CLNK: variants seen among roughly 807,000 people sequenced by gnomAD.
CLNK encodes the protein cytokine dependent hematopoietic cell linker, also known as cytokine-dependent hematopoietic cell linker.
In CLNK, 74 loss-of-function variants were observed where a neutral mutation model predicts 68.6. The observed-to-expected ratio is 1.08, with a 90% CI of 0.89 to 1.31. The LOEUF (loss-of-function observed/expected upper bound fraction) is 1.31. Ranked by LOEUF, CLNK falls within the 50% of genes most tolerant of loss-of-function variation. CLNK has a pLI of 0.00. For synonymous variants in CLNK, 198 were observed against 172.2 expected, an observed-to-expected ratio of 1.15 and a Z score of -1.17; for missense variants, 553 against 515.3, an observed-to-expected ratio of 1.07 and a Z score of -0.71.
rs1031841432 is a variant in CLNK at position 10,667,973 on chromosome 4, C to A, written c.-42-62G>T. 2.9e-4 allele frequency: 267 copies of A among 913,808 alleles called. No individual in the cohort carries two copies. Among genetic ancestry groups the A allele is most frequent in the East Asian group, 1.1e-3 (38 of 35,970 alleles). 56.6% of individuals were successfully genotyped at this position (913,808 alleles called of 1,614,324 possible). A position where few individuals can be genotyped will look rare whatever the true frequency, so the allele number is the denominator to read the frequency against. On this transcript the variant is annotated intron_variant, in intron 1 of 18. Transcript: ENST00000226951. Reference sequence around the variant, plus strand: ...CACATCATGTTTTAATTCTGGGGAACAAGCCACTGTTGCTGCTTGTTAAAA... The same window carrying A: ...CACATCATGTTTTAATTCTGGGGAAAAAGCCACTGTTGCTGCTTGTTAAAA...
intron 4 of CLNK, among the ~76,000 whole-genome samples, chr4:10,575,368 C>A (rs772439570): frequency 6.6e-6 from 1 of 152,252 alleles, no homozygotes; most frequent in Non-Finnish European, 1.5e-5. Flanking sequence ...TTTCTTGGCT[C>A]TGCCCATGCC....
At chr4:10,637,717 C>G (rs967937176) in intron 2 of CLNK, among the ~76,000 whole-genome samples, 8 of 151,042 alleles carry the variant, frequency 5.3e-5, no homozygotes, top group African/African-American at 1.9e-4. Context: ...GCCTCAGCCT[C>G]CCGAGTAGCT....
At chr4:10,649,939 C>A (rs563967453) in intron 2 of CLNK, among the ~76,000 whole-genome samples, 96 of 152,038 alleles carry the variant, frequency 6.3e-4, no homozygotes, top group Admixed American at 9.8e-4. Context: ...AAATGACAGA[C>A]AACAGGATTA....
chr4:10,563,421 C>T (rs7439618), intron 7 of CLNK, among the ~76,000 whole-genome samples: 23,687 of 152,084 alleles, frequency 0.16, 1,923 homozygotes, highest in Middle Eastern at 0.18. Context: ...TTTAAAATGT[C>T]TTCACTCAAT....
intron 2 of CLNK, among the ~76,000 whole-genome samples, chr4:10,635,296 T>A (rs1560254791): frequency 1.3e-5 from 2 of 152,286 alleles, no homozygotes; most frequent in Admixed American, 1.3e-4. Context: ...CTCAGTCACA[T>A]GTTCTGCCTC....
At chr4:10,663,477 G>A (rs1285528896) in intron 2 of CLNK, among the ~76,000 whole-genome samples, 1 of 152,126 alleles carries the variant, frequency 6.6e-6, no homozygotes, top group African/African-American at 2.4e-5. Flanking sequence ...TGAGGTGTGT[G>A]AAATGTATAC....
intron 2 of CLNK, among the ~76,000 whole-genome samples, chr4:10,617,075 T>C (rs1722265319): frequency 6.6e-6 from 1 of 152,078 alleles, no homozygotes; most frequent in Admixed American, 6.5e-5. Context: ...GTCTTAGTTG[T>C]ACTGTGAGAG....
chr4:10,734,257 A>G, the CLNK span, among the ~76,000 whole-genome samples: 5 of 152,208 alleles, frequency 3.3e-5, no homozygotes, highest in African/African-American at 1.2e-4. Context: ...AAACCTGGGC[A>G]TTTTGTTGCA....
At chr4:10,698,234 A>G in the CLNK span, among the ~76,000 whole-genome samples, 1 of 152,146 alleles carries the variant, frequency 6.6e-6, no homozygotes, top group Non-Finnish European at 1.5e-5. Context: ...AGATAACATT[A>G]AAGACAATTT....
the CLNK span, among the ~76,000 whole-genome samples, chr4:10,700,026 G>GTGTGTGTGTGTGTGTA: frequency 4.8e-4 from 73 of 151,324 alleles, no homozygotes; most frequent in Admixed American, 2.9e-3. Flanking sequence ...GTGTGTGTGT[G>GTGTGTGTGTGTGTGTA]TATATATATA....
chr4:10,537,674 TCTTTCTTCCTTC>T (rs1560206885), intron 11 of CLNK, among the ~76,000 whole-genome samples: 2 of 46,860 alleles, frequency 4.3e-5, no homozygotes, highest in South Asian at 9.2e-4. Context: ...TTTCTTTCTT[TCTTTCTTCCTTC>T]CTTCCTTCCT....
rs546230470 is a variant in CLNK at position 10,487,196 on chromosome 4, C to G, written c.*3271G>C. On this transcript the variant is annotated 3_prime_UTR_variant, in exon 19 of 19. Coordinates refer to ENST00000226951, the MANE Select transcript of CLNK (RefSeq NM_052964.4). ...ATTAAAACACTGGAATTTGGGCATG[C>G]CAAATCCAAATCATTGAATATTCAA... is the stretch of plus-strand genomic sequence containing the variant. 6.6e-6 allele frequency: 1 copy of G among 152,138 alleles called. No homozygotes were observed. The highest frequency in any genetic ancestry group is 2.1e-4 in the South Asian group (1 of 4,820). The allele number at this position is 152,138 out of a possible 1,614,324, so 9.4% of individuals were successfully genotyped here. A position where few individuals can be genotyped will look rare whatever the true frequency, so the allele number is the denominator to read the frequency against.
the CLNK span, among the ~76,000 whole-genome samples, chr4:10,705,933 G>GT: frequency 1.3e-5 from 2 of 152,226 alleles, no homozygotes; most frequent in Non-Finnish European, 2.9e-5. Context: ...ATAGGCTCTG[G>GT]TTTCAGCATC....
At chr4:10,505,066 A>T (rs914197172) in intron 17 of CLNK, among the ~76,000 whole-genome samples, 5 of 152,178 alleles carry the variant, frequency 3.3e-5, no homozygotes, top group African/African-American at 9.7e-5. Flanking sequence ...GTCTACTAAG[A>T]GTAGTTCTTC....
chr4:10,717,309 G>C, the CLNK span, among the ~76,000 whole-genome samples: 10,015 of 152,314 alleles, frequency 0.066, 448 homozygotes, highest in East Asian at 0.1. Flanking sequence ...GGAGTAAAAA[G>C]CCGTGGCCGG....
At chr4:10,509,157 G>C (rs1288067064) in intron 16 of CLNK, among the ~76,000 whole-genome samples, 2 of 151,190 alleles carry the variant, frequency 1.3e-5, no homozygotes, top group South Asian at 4.2e-4. Flanking sequence ...GTTGGCAAGA[G>C]TTAGGTACGT....
intron 2 of CLNK, among the ~76,000 whole-genome samples, chr4:10,645,851 A>T (rs1172634434): frequency 6.6e-6 from 1 of 152,190 alleles, no homozygotes; most frequent in Non-Finnish European, 1.5e-5. Flanking sequence ...TGCTCCCTAC[A>T]CAAAGAAAAG....
intron 11 of CLNK, among the ~76,000 whole-genome samples, chr4:10,535,486 C>T (rs1293201425): frequency 2.6e-5 from 4 of 152,120 alleles, no homozygotes; most frequent in South Asian, 2.1e-4. Context: ...TGAATTAATA[C>T]ATATAAGATC....
the CLNK span, among the ~76,000 whole-genome samples, chr4:10,715,422 C>G: frequency 2.6e-5 from 4 of 152,170 alleles, no homozygotes; most frequent in Non-Finnish European, 5.9e-5. Context: ...AAACTTCCAG[C>G]CCCAGTTCTC....
Sources: gnomAD v4.1 joint callset for allele counts (sites outside exome capture counted in the v4.1 genomes callset) on GRCh38, gnomAD v4.1.1 for gene constraint, MANE v1.5 for transcripts, NCBI Gene and HGNC (gene_info 2026-07-23, HGNC 2026-07-21) for gene names.